Variants in SLC12A6 observed in about 807,000 individuals in gnomAD.
The protein encoded by SLC12A6 is K-Cl cotransporter 3.
A neutral mutation model predicts 135.3 loss-of-function variants in SLC12A6; 66 were observed. That is an observed-to-expected ratio of 0.49 (90% CI 0.40 to 0.60). The LOEUF (loss-of-function observed/expected upper bound fraction) is 0.60. Among genes scored for constraint, SLC12A6 ranks in the 20% least tolerant of loss-of-function variants. SLC12A6 has a pLI of 0.00. For synonymous variants in SLC12A6, 513 were observed against 508.8 expected (o/e 1.01, Z -0.11); for missense variants, 1,058 against 1,452.3 (o/e 0.73, Z 4.41).
chr15:34,263,157 T>C (rs1487712055), intron 3 of SLC12A6, among the ~76,000 whole-genome samples: 1 of 152,160 alleles, frequency 6.6e-6, no homozygotes, highest in East Asian at 1.9e-4. Context: ...TGGTGGCTCA[T>C]GCCTGTAATC....
At chr15:34,238,128 T>C in intron 21 of SLC12A6, 104 bp downstream of exon 21, 1 of 852,894 alleles carries the variant, frequency 1.2e-6, no homozygotes, top group Non-Finnish European at 2.0e-6. Flanking sequence ...ACTCTTCTGA[T>C]TCTAAACCCC....
chr15:34,313,926 G>T (rs7166559), intron 2 of SLC12A6, among the ~76,000 whole-genome samples: 5,719 of 147,956 alleles, frequency 0.039, 202 homozygotes, highest in African/African-American at 0.097. Flanking sequence ...GCAACATAGT[G>T]AGACTCCTGT....
chr15:34,251,892 G>A (rs1358737171), intron 10 of SLC12A6, among the ~76,000 whole-genome samples: 1 of 152,128 alleles, frequency 6.6e-6, no homozygotes, highest in African/African-American at 2.4e-5. Flanking sequence ...AAGAATACAC[G>A]GAATATTTTA....
chr15:34,239,841 T>C (rs1391767121), intron 19 of SLC12A6, among the ~76,000 whole-genome samples: 1 of 152,200 alleles, frequency 6.6e-6, no homozygotes, highest in Non-Finnish European at 1.5e-5. Context: ...GCTCTCCTGA[T>C]TTTCAATCCT....
At chr15:34,234,406 CTT>C (rs1047194334) in intron 25 of SLC12A6, among the ~76,000 whole-genome samples, 80 of 151,930 alleles carry the variant, frequency 5.3e-4, no homozygotes, top group African/African-American at 1.6e-3. Context: ...AGAATTTCCT[CTT>C]GTTGCCCAGG....
intron 2 of SLC12A6, among the ~76,000 whole-genome samples, chr15:34,296,710 G>A (rs1277369073): frequency 1.3e-5 from 2 of 152,106 alleles, no homozygotes; most frequent in South Asian, 2.1e-4. Context: ...AAACATTGCC[G>A]ACCCAGGTAA....
chr15:34,322,962 G>A (rs1332113283), intron 2 of SLC12A6, among the ~76,000 whole-genome samples: 1 of 106,012 alleles, frequency 9.4e-6, no homozygotes, highest in Admixed American at 1.4e-4. Context: ...CTGGGCGACA[G>A]AGTGAAACTC....
intron 3 of SLC12A6, among the ~76,000 whole-genome samples, chr15:34,271,108 T>TG (rs946633387): frequency 6.6e-6 from 1 of 151,988 alleles, no homozygotes; most frequent in African/African-American, 2.4e-5. Flanking sequence ...TCAAGATGAG[T>TG]GGGGGGAGAC....
At chr15:34,245,564 T>C (rs986677986) in intron 14 of SLC12A6, 129 bp downstream of exon 14, 2 of 941,318 alleles carry the variant, frequency 2.1e-6, no homozygotes, top group Non-Finnish European at 3.5e-6. Flanking sequence ...GCTTGGGATT[T>C]AGAGGTTCTT....
At chr15:34,255,733 G>C (rs1378169705) in intron 7 of SLC12A6, among the ~76,000 whole-genome samples, 1 of 152,044 alleles carries the variant, frequency 6.6e-6, no homozygotes, top group African/African-American at 2.4e-5. Context: ...CACTTTGGGA[G>C]GATGAGGCGA....
At chr15:34,285,713 T>TACACACACACACACA (rs776596338) in intron 2 of SLC12A6, among the ~76,000 whole-genome samples, 1 of 45,164 alleles carries the variant, frequency 2.2e-5, no homozygotes, top group Non-Finnish European at 6.1e-5. Flanking sequence ...TGTGTGTGTG[T>TACACACACACACACA]TTGTCATACA....
At chr15:34,317,501 G>C (rs1324403757) in intron 2 of SLC12A6, among the ~76,000 whole-genome samples, 6 of 152,144 alleles carry the variant, frequency 3.9e-5, no homozygotes, top group Non-Finnish European at 8.8e-5. Flanking sequence ...TCAGGAGTTT[G>C]AGATCAGCCT....
chr15:34,319,920 G>A lies in SLC12A6; in HGVS notation c.271+16490C>T, dbSNP rs76706535. Reference sequence around the variant, plus strand: ...GTCCCAGAAAATCCCTTTAAGTGGCGTACAGTTCCTTTAGCATACCCTTAA... The same window carrying A: ...GTCCCAGAAAATCCCTTTAAGTGGCATACAGTTCCTTTAGCATACCCTTAA... On this transcript the variant is annotated intron_variant, in intron 2 of 25. Coordinates refer to ENST00000354181, the MANE Select transcript of SLC12A6 (RefSeq NM_001365088.1). Among the ~76,000 whole-genome samples the A allele has an allele frequency of 8.5e-3, 1,282 of 150,734 alleles. 17 individuals carry two copies. The highest frequency in any genetic ancestry group is 0.03 in the African/African-American group (1,228 of 41,146).
chr15:34,312,723 T>C (rs1423721697), intron 2 of SLC12A6, among the ~76,000 whole-genome samples: 1 of 152,076 alleles, frequency 6.6e-6, no homozygotes, highest in African/African-American at 2.4e-5. Context: ...TTGGGGTTTT[T>C]TGTTTGTTTA....
intron 7 of SLC12A6, 123 bp downstream of exon 7, chr15:34,256,104 ACT>A (rs1472635135): frequency 5.5e-6 from 4 of 727,332 alleles, no homozygotes; most frequent in Non-Finnish European, 1.0e-5. Context: ...ATAGACCATT[ACT>A]CTGTTGTAGC....
At chr15:34,254,261 T>G (rs375877144) in intron 9 of SLC12A6, 87 bp downstream of exon 9, 2 of 1,347,764 alleles carry the variant, frequency 1.5e-6, no homozygotes, top group African/African-American at 1.4e-5. Context: ...AGAGACTCTA[T>G]GAAATTCTGA....
At chr15:34,315,569 AT>A (rs1888583874) in intron 2 of SLC12A6, among the ~76,000 whole-genome samples, 1 of 152,206 alleles carries the variant, frequency 6.6e-6, no homozygotes, top group South Asian at 2.1e-4. Context: ...TTTAAAAAAA[AT>A]AAAAATAATT....
In SLC12A6 at chr15:34,336,711, G is replaced by A. The variant is rs1223169170; in HGVS notation, c.-31C>T. 4 of 1,605,788 alleles carry A rather than the reference G, an allele frequency of 2.5e-6. No homozygotes were observed. Among genetic ancestry groups the A allele is most frequent in the Non-Finnish European group, 3.4e-6 (4 of 1,172,602 alleles). ...TCTTTTTAAGAACAAAAAAAGTGGG[G>A]GGAACCTCGCAAAATCTTCCTCTTA... is the stretch of plus-strand genomic sequence containing the variant. On this transcript the variant is annotated 5_prime_UTR_variant, in exon 2 of 26. Coordinates refer to ENST00000354181, the MANE Select transcript of SLC12A6 (RefSeq NM_001365088.1).
At chr15:34,319,205 A>G (rs1474697408) in intron 2 of SLC12A6, among the ~76,000 whole-genome samples, 1 of 146,810 alleles carries the variant, frequency 6.8e-6, no homozygotes, top group Non-Finnish European at 1.5e-5. Context: ...GTGCGATCTC[A>G]GCTCACTGCA....
Sources: allele counts gnomAD v4.1 joint callset (sites outside exome capture counted in the v4.1 genomes callset), GRCh38; gene constraint gnomAD v4.1.1; transcripts MANE v1.5; gene names NCBI Gene and HGNC (gene_info 2026-07-23, HGNC 2026-07-21).